PDE1C: variants seen among roughly 807,000 people sequenced by gnomAD.
PDE1C encodes the protein phosphodiesterase 1C, also known as dual specificity calcium/calmodulin-dependent 3',5'-cyclic nucleotide phosphodiesterase 1C.
Under a neutral mutation model 93.1 loss-of-function variants are expected in PDE1C, and 62 were observed. The ratio of observed to expected loss-of-function variants is 0.67; its 90% CI spans 0.54 to 0.82. The LOEUF is 0.82. Among genes scored for constraint, PDE1C ranks in the 40% least tolerant of loss-of-function variants. PDE1C has a pLI of 0.00. For missense variants in PDE1C, 742 were observed against 884.6 expected (o/e 0.84, Z 2.04); for synonymous variants, 325 against 310.1 (o/e 1.05, Z -0.50).
At chr7:32,357,030 T>C (rs576292137) in intron 1 of PDE1C, among the ~76,000 whole-genome samples, 1 of 152,166 alleles carries the variant, frequency 6.6e-6, no homozygotes, top group African/African-American at 2.4e-5. Context: ...TCTGAGCATA[T>C]CATTTGTGTA....
At chr7:31,760,588 T>C (rs1794769242) in intron 17 of PDE1C, among the ~76,000 whole-genome samples, 1 of 152,300 alleles carries the variant, frequency 6.6e-6, no homozygotes, top group Non-Finnish European at 1.5e-5. Flanking sequence ...TCACCTCAAA[T>C]GGCAATAATT....
At chr7:32,048,802 G>A (rs1015043060) in intron 2 of PDE1C, among the ~76,000 whole-genome samples, 7 of 152,156 alleles carry the variant, frequency 4.6e-5, no homozygotes, top group Non-Finnish European at 1.0e-4. Context: ...ATTAAAAATA[G>A]AAGAGCTCAA....
chr7:32,396,728 T>C (rs1031121059), intron 1 of PDE1C, among the ~76,000 whole-genome samples: 3 of 150,818 alleles, frequency 2.0e-5, no homozygotes, highest in Admixed American at 2.0e-4. Flanking sequence ...TAGTAAAATG[T>C]TTTTTTTAAA....
At chr7:31,777,836 C>T (rs958670810) in intron 16 of PDE1C, among the ~76,000 whole-genome samples, 1 of 152,056 alleles carries the variant, frequency 6.6e-6, no homozygotes, top group African/African-American at 2.4e-5. Flanking sequence ...CTGTATCTGG[C>T]GGGACTTTAT....
At chr7:32,362,435 T>G (rs1297291599) in intron 1 of PDE1C, among the ~76,000 whole-genome samples, 2 of 152,164 alleles carry the variant, frequency 1.3e-5, no homozygotes, top group African/African-American at 4.8e-5. Context: ...TTTGGTCAAT[T>G]AATGTAGAAT....
At chr7:32,318,883 C>G (rs1783226679) in intron 1 of PDE1C, among the ~76,000 whole-genome samples, 1 of 152,224 alleles carries the variant, frequency 6.6e-6, no homozygotes, top group African/African-American at 2.4e-5. Context: ...GCTTAGGAAA[C>G]TCCAGGCTCT....
chr7:32,255,880 A>G (rs1231349846), intron 1 of PDE1C, among the ~76,000 whole-genome samples: 1 of 152,208 alleles, frequency 6.6e-6, no homozygotes, highest in Non-Finnish European at 1.5e-5. Flanking sequence ...CTGGTGGACT[A>G]TGGTGAGAAA....
intron 2 of PDE1C, among the ~76,000 whole-genome samples, chr7:32,177,829 ACCT>A (rs1803116665): frequency 6.6e-6 from 1 of 151,966 alleles, no homozygotes; most frequent in South Asian, 2.1e-4. Context: ...AATGTCAGTC[ACCT>A]CCTGATCTGT....
chr7:32,183,155 A>G (rs1256336066), intron 2 of PDE1C, among the ~76,000 whole-genome samples: 3 of 152,214 alleles, frequency 2.0e-5, no homozygotes, highest in Non-Finnish European at 2.9e-5. Flanking sequence ...AAAAGAGGAT[A>G]CAAACAAATG....
At chr7:31,770,677 A>C (rs1454401088) in intron 17 of PDE1C, among the ~76,000 whole-genome samples, 1 of 151,962 alleles carries the variant, frequency 6.6e-6, no homozygotes, top group East Asian at 1.9e-4. Flanking sequence ...TGCCCGGCTA[A>C]TTTTTGTATT....
the PDE1C span, among the ~76,000 whole-genome samples, chr7:31,725,999 A>G: frequency 6.6e-6 from 1 of 152,212 alleles, no homozygotes; most frequent in South Asian, 2.1e-4. Flanking sequence ...TACTTCATGA[A>G]TTTGATGATG....
intron 1 of PDE1C, among the ~76,000 whole-genome samples, chr7:32,375,939 T>C (rs1247543770): frequency 6.6e-6 from 1 of 152,152 alleles, no homozygotes; most frequent in Non-Finnish European, 1.5e-5. Flanking sequence ...GCAGATCCCT[T>C]TGAGGTCAGG....
At chr7:31,792,882 T>C (rs560949526) in intron 16 of PDE1C, among the ~76,000 whole-genome samples, 3 of 152,074 alleles carry the variant, frequency 2.0e-5, no homozygotes, top group African/African-American at 4.8e-5. Flanking sequence ...AAAGAGTGAC[T>C]GATGAATTGA....
intron 1 of PDE1C, among the ~76,000 whole-genome samples, chr7:32,378,223 C>T (rs935585075): frequency 6.6e-6 from 1 of 152,162 alleles, no homozygotes. Context: ...GACCACTCTT[C>T]CTGCCCTCTC....
chr7:32,310,833 A>G (rs994759941), intron 1 of PDE1C, among the ~76,000 whole-genome samples: 8 of 152,276 alleles, frequency 5.3e-5, no homozygotes, highest in African/African-American at 1.7e-4. Context: ...TAACATCACA[A>G]TTAAAAGAAC....
intron 1 of PDE1C, among the ~76,000 whole-genome samples, chr7:32,282,994 T>C (rs951390725): frequency 2.0e-5 from 3 of 152,128 alleles, no homozygotes; most frequent in Non-Finnish European, 2.9e-5. Flanking sequence ...TGGTAAGACA[T>C]TGGAGAGTGG....
chr7:31,944,374 T>G (rs1184771354), intron 2 of PDE1C, among the ~76,000 whole-genome samples: 1 of 152,202 alleles, frequency 6.6e-6, no homozygotes, highest in East Asian at 1.9e-4. Context: ...TCAAAGAGCC[T>G]GGATGATACT....
At chr7:32,266,048 G>A (rs899289442) in intron 1 of PDE1C, among the ~76,000 whole-genome samples, 7 of 121,314 alleles carry the variant, frequency 5.8e-5, no homozygotes, top group Non-Finnish European at 1.1e-4. Flanking sequence ...GCCGAGGCAG[G>A]CAGATCATGA....
chr7:31,910,701 A>G (rs575499997), intron 2 of PDE1C, among the ~76,000 whole-genome samples: 3 of 152,306 alleles, frequency 2.0e-5, no homozygotes, highest in African/African-American at 7.2e-5. Context: ...TTTCAATCCC[A>G]GCTCTGCCTG....
Sources: gnomAD v4.1 joint callset for allele counts (sites outside exome capture counted in the v4.1 genomes callset) on GRCh38, gnomAD v4.1.1 for gene constraint, MANE v1.5 for transcripts, NCBI Gene and HGNC (gene_info 2026-07-23, HGNC 2026-07-21) for gene names.